EPHA8: variants seen among roughly 807,000 people sequenced by gnomAD.
EPHA8 encodes the protein ephrin type-A receptor 8.
Under a neutral mutation model 103.6 loss-of-function variants are expected in EPHA8, and 58 were observed. That is an observed-to-expected ratio of 0.56 (90% CI 0.45 to 0.70). The LOEUF (loss-of-function observed/expected upper bound fraction) is 0.70. Ranked by LOEUF, EPHA8 falls within the 30% of genes least tolerant of loss-of-function variation. The pLI is 0.00. For missense variants in EPHA8, 1,304 were observed against 1,395.2 expected (o/e 0.93, Z 1.04); for synonymous variants, 559 against 572.5 (o/e 0.98, Z 0.34).
At position 22,601,030 on chromosome 1, in the gene EPHA8, G is replaced by T; in HGVS notation, c.2671G>T (p.Val891Phe). The T allele has an allele frequency of 6.2e-7, 1 of 1,612,738 alleles. No homozygotes were observed. Residue 891 changes from valine (V) to phenylalanine (F), a missense_variant, in exon 15 of 17, where the codon GTC becomes TTC. Val to Phe is a conservative substitution (Grantham distance 50). Transcript: ENST00000166244. ...GCCTCGCTTCTCCCAGATTGTCAGT[G>T]TCCTCGATGCGCTCATCCGCAGCCC... ...QRPRFSQIVS[V>F]LDALIRSPES...
chr1:22,601,631 G>T lies in EPHA8; in HGVS notation c.2908G>T (p.Val970Leu), dbSNP rs148692719. The T allele has an allele frequency of 1.0e-5, 16 of 1,591,532 alleles. No individual in the cohort carries two copies. The East Asian group carries it at 3.7e-4, about 37-fold the overall frequency. The change falls in exon 17 of 17, where the codon GTG becomes TTG. Residue 970 changes from valine (V) to leucine (L), a missense_variant. Coordinates refer to ENST00000166244, the MANE Select transcript of EPHA8 (RefSeq NM_020526.5). ...AGCAGCACCCTTCCTTCACAGGGAC[G>T]TGCGCGCCCTGGGCATCACCCTCAT... Reference protein sequence around the residue: ...GMVLRMNAQDVRALGITLMGH... With the variant: ...GMVLRMNAQDLRALGITLMGH...
rs1014645501 is a variant in EPHA8, at chr1:22,597,962, C to T, written c.2116+101C>T. 4 of 1,500,830 alleles carry T rather than the reference C, an allele frequency of 2.7e-6. No individual in the cohort carries two copies. The highest frequency in any genetic ancestry group is 2.3e-5 in the East Asian group (1 of 43,960). 93.0% of individuals were successfully genotyped at this position (1,500,830 alleles called of 1,614,324 possible). ...TCCATCCTGCTCTGCCCCACCTGAC[C>T]CTGTCCTCTTGGTTCAGGTCCCTGA... is the stretch of plus-strand genomic sequence containing the variant. On this transcript the variant is annotated intron_variant, in intron 11 of 16. Coordinates refer to ENST00000166244, the MANE Select transcript of EPHA8 (RefSeq NM_020526.5). This position sits in a 1 kb window ranked among gnomAD's most constrained non-coding sequence, Gnocchi z 4.6.
intron 13 of EPHA8, 61 bp from the exon 14 acceptor site, chr1:22,600,600 C>T (rs1206098518): frequency 1.6e-5 from 25 of 1,590,948 alleles, no homozygotes; most frequent in Middle Eastern, 2.2e-4. Context: ...CTGACTCAGA[C>T]GGCTCGGGGG....
At chr1:22,579,306 CAT>C (rs1387219569) in intron 3 of EPHA8, among the ~76,000 whole-genome samples, 8 of 149,628 alleles carry the variant, frequency 5.3e-5, no homozygotes, top group Non-Finnish European at 8.9e-5. Context: ...TGCATGTGTA[CAT>C]GAGTGTATAT....
chr1:22,564,531 G>A (rs751411675), intron 1 of EPHA8, among the ~76,000 whole-genome samples: 37 of 152,132 alleles, frequency 2.4e-4, no homozygotes, highest in Non-Finnish European at 4.7e-4. Context: ...TCACTCTGGG[G>A]CCCTGTGTGG....
chr1:22,584,231 CG>C (rs879716014), intron 3 of EPHA8, among the ~76,000 whole-genome samples: 1 of 152,138 alleles, frequency 6.6e-6, no homozygotes, highest in Non-Finnish European at 1.5e-5. Flanking sequence ...CTGAGCCTCC[CG>C]GGGGGCTTCT....
At position 22,601,474 on chromosome 1, in the gene EPHA8, G is replaced by T; in HGVS notation, c.2903+1G>T. 1.9e-6 allele frequency: 3 copies of T among 1,609,682 alleles called. No homozygotes were observed. The highest frequency in any genetic ancestry group is 2.5e-6 in the Non-Finnish European group (3 of 1,179,662). ...GCATGGTGCTACGCATGAACGCCCAGTGAGTGATGGGTGGGGCTGGGGCCC... is the reference window on the plus strand; with the variant it reads ...GCATGGTGCTACGCATGAACGCCCATTGAGTGATGGGTGGGGCTGGGGCCC... On this transcript the variant is annotated splice_donor_variant, in intron 16 of 16. Transcript: ENST00000166244. LOFTEE classifies it high-confidence loss of function.
intron 2 of EPHA8, among the ~76,000 whole-genome samples, chr1:22,575,125 A>G (rs559406708): frequency 7.0e-4 from 107 of 151,964 alleles, no homozygotes; most frequent in African/African-American, 2.4e-3. Context: ...TAATTTTTCT[A>G]TTTTTAGTAG....
intron 4 of EPHA8, among the ~76,000 whole-genome samples, chr1:22,586,899 C>T (rs1216090604): frequency 3.9e-5 from 6 of 152,360 alleles, no homozygotes; most frequent in East Asian, 3.9e-4. Flanking sequence ...TTCCCCACAT[C>T]GGGCAGTTTT....
intron 5 of EPHA8, among the ~76,000 whole-genome samples, chr1:22,592,805 G>C (rs1641407839): frequency 7.1e-6 from 1 of 140,762 alleles, no homozygotes; most frequent in Admixed American, 7.1e-5. Flanking sequence ...CCAGGAGGGA[G>C]AGATGCATGA....
In EPHA8 at chr1:22,598,974, T is replaced by A; in HGVS notation, c.2315T>A (p.Leu772Gln). 6.2e-7 allele frequency: 1 copy of A among 1,611,366 alleles called. No homozygotes were observed. The highest frequency in any genetic ancestry group is 8.5e-7 in the Non-Finnish European group (1 of 1,179,600). Residue 772 changes from leucine to glutamine, a missense_variant, in exon 13 of 17, where the codon CTG becomes CAG. By Grantham distance (113) the Leu-to-Gln change is moderately radical. Transcript: ENST00000166244. This position sits in a 1 kb window ranked among gnomAD's most constrained non-coding sequence, Gnocchi z 5.1. The stretch of plus-strand genomic sequence containing the variant: ...CGCAACGTCCTGGTTGACAGCAACC[T>A]GGTCTGCAAGGTGTCTGACTTCGGG... ...AARNVLVDSN[L>Q]VCKVSDFGLS...
At chr1:22,564,318 T>G (rs531823420) in intron 1 of EPHA8, among the ~76,000 whole-genome samples, 1 of 138,258 alleles carries the variant, frequency 7.2e-6, no homozygotes, top group African/African-American at 2.8e-5. Flanking sequence ...GGGAGAGGGG[T>G]CAGGGCCCGA....
intron 13 of EPHA8, among the ~76,000 whole-genome samples, chr1:22,600,247 C>T (rs1641683202): frequency 8.9e-6 from 1 of 112,632 alleles, no homozygotes; most frequent in African/African-American, 3.9e-5. Flanking sequence ...GAAGGAAGGA[C>T]AGAAGGAGGA....
chr1:22,579,914 T>TCCCTCTA lies in EPHA8; in HGVS notation c.823+3037_823+3038insTCTACCC, dbSNP rs201643903. On this transcript the variant is annotated intron_variant, in intron 3 of 16. Transcript: ENST00000166244. ...AGGGACCTTTAGTCCTCATCACCCA[T>TCCCTCTA]CCCCCAGCAGGCAGGCAGGAAAGGC... is the stretch of plus-strand genomic sequence containing the variant. Among the ~76,000 whole-genome samples the TCCCTCTA allele has an allele frequency of 6.5e-3, 981 of 151,954 alleles. 7 individuals carry two copies. The highest frequency in any genetic ancestry group is 0.025 in the East Asian group (131 of 5,146).
chr1:22,600,884 C>A lies in EPHA8; in HGVS notation c.2539-14C>A, dbSNP rs757979901. 3 of 1,597,150 alleles carry A rather than the reference C, an allele frequency of 1.9e-6. No homozygotes were observed. In the East Asian group the frequency reaches 6.7e-5, roughly 36 times the overall value. ...CAGGGAGGGACGGCTGAGCCCAGCG[C>A]TGATCCCCTGCAGGTCATCAGCTCT... On this transcript the variant is annotated splice_polypyrimidine_tract_variant and intron_variant, in intron 14 of 16. Transcript: ENST00000166244.
chr1:22,587,632 C>T (rs1192047304), intron 4 of EPHA8, among the ~76,000 whole-genome samples: 1 of 152,190 alleles, frequency 6.6e-6, no homozygotes, highest in Non-Finnish European at 1.5e-5. Flanking sequence ...GCCTGCTCAG[C>T]CCAGCCCAGT....
chr1:22,592,353 G>A lies in EPHA8; in HGVS notation c.1316-973G>A, dbSNP rs116088226. 8.5e-3 allele frequency among the ~76,000 whole-genome samples: 1,289 copies of A among 152,204 alleles called. 19 individuals are homozygous for A. Among genetic ancestry groups the A allele is most frequent in the African/African-American group, 0.029 (1,186 of 41,502 alleles). ...TCCCCCTGGCAAGTGGTGCTCACTA[G>A]CTTCACTTTATAGAAGGGGACCTGG... On this transcript the variant is annotated intron_variant, in intron 5 of 16. Transcript: ENST00000166244.
intron 5 of EPHA8, among the ~76,000 whole-genome samples, chr1:22,592,512 G>T (rs371073200): frequency 2.6e-5 from 4 of 152,346 alleles, no homozygotes; most frequent in East Asian, 3.9e-4. Context: ...CTCTGGAGCT[G>T]CTTCTTAATT....
At chr1:22,586,766 A>T in intron 4 of EPHA8, 131 bp downstream of exon 4, 10 of 1,122,646 alleles carry the variant, frequency 8.9e-6, no homozygotes, top group South Asian at 1.6e-5. Flanking sequence ...CTTGAGCCAG[A>T]GGCCAGTCTG....
Sources: gnomAD v4.1 joint callset for allele counts (sites outside exome capture counted in the v4.1 genomes callset) on GRCh38, gnomAD v4.1.1 for gene constraint, Gnocchi (gnomAD v3.1) non-coding constraint, MANE v1.5 for transcripts, NCBI Gene and HGNC (gene_info 2026-07-23, HGNC 2026-07-21) for gene names.